DNM3: variants seen among roughly 807,000 people sequenced by gnomAD.
DNM3 encodes the protein dynamin-3.
In DNM3, 47 loss-of-function variants were observed where a neutral mutation model predicts 101.6. The ratio of observed to expected loss-of-function variants is 0.46; its 90% CI spans 0.37 to 0.59. The LOEUF (loss-of-function observed/expected upper bound fraction) is 0.59, where lower values mean the gene tolerates loss of function less well. Among genes scored for constraint, DNM3 ranks in the 20% least tolerant of loss-of-function variants. The pLI is 0.00. For missense variants in DNM3, 849 were observed against 1,085.7 expected, an observed-to-expected ratio of 0.78 and a Z score of 3.06; for synonymous variants, 385 against 387.9, an observed-to-expected ratio of 0.99 and a Z score of 0.09.
At chr1:172,058,865 T>C (rs1234010849) in intron 10 of DNM3, among the ~76,000 whole-genome samples, 1 of 134,766 alleles carries the variant, frequency 7.4e-6, no homozygotes, top group African/African-American at 2.9e-5. Flanking sequence ...CTGAAGGAAA[T>C]AGAGACAAAA....
intron 1 of DNM3, among the ~76,000 whole-genome samples, chr1:171,898,364 T>C (rs984592662): frequency 3.9e-5 from 6 of 152,148 alleles, no homozygotes; most frequent in Non-Finnish European, 8.8e-5. Context: ...ACAAGTCCTA[T>C]ACCATTTGTA....
chr1:172,275,988 T>A lies in DNM3; in HGVS notation c.1769+22306T>A, dbSNP rs927253331. On this transcript the variant is annotated intron_variant, in intron 15 of 20. Coordinates refer to ENST00000627582, the MANE Select transcript of DNM3 (RefSeq NM_015569.5). ...CTCAGAAAAAGATATCAGCATATCA[T>A]CAGGAAGAGGTTTTTAATACTCTTA... 3.9e-4 allele frequency among the ~76,000 whole-genome samples: 59 copies of A among 152,128 alleles called. 1 individual carries two copies. The highest frequency in any genetic ancestry group is 1.3e-3 in the African/African-American group (52 of 41,446).
intron 4 of DNM3, among the ~76,000 whole-genome samples, chr1:172,008,961 T>G (rs949150680): frequency 7.2e-6 from 1 of 138,408 alleles, no homozygotes; most frequent in Non-Finnish European, 1.5e-5. Context: ...TATTAATATA[T>G]TTATATATTA....
chr1:172,246,271 CA>C (rs958596261), intron 14 of DNM3, among the ~76,000 whole-genome samples: 1 of 152,008 alleles, frequency 6.6e-6, no homozygotes, highest in Admixed American at 6.6e-5. Flanking sequence ...GAGGCAATAC[CA>C]GGGTGAGAAG....
chr1:172,305,458 G>A (rs2757498), intron 15 of DNM3, among the ~76,000 whole-genome samples: 11,142 of 152,210 alleles, frequency 0.073, 469 homozygotes, highest in African/African-American at 0.1. Flanking sequence ...GAGGTACAAG[G>A]AGGAACTGGT....
At chr1:172,242,107 T>C (rs775868586) in intron 14 of DNM3, among the ~76,000 whole-genome samples, 11 of 152,132 alleles carry the variant, frequency 7.2e-5, no homozygotes, top group African/African-American at 9.7e-5. Flanking sequence ...GGCTTTTTCA[T>C]TGAACTCATG....
At chr1:172,048,811 C>A in intron 10 of DNM3, 61 bp downstream of exon 10, 1 of 1,557,002 alleles carries the variant, frequency 6.4e-7, no homozygotes, top group Non-Finnish European at 8.8e-7. Context: ...TTCCCTATCT[C>A]ATTGCATGAT....
intron 2 of DNM3, among the ~76,000 whole-genome samples, chr1:171,955,133 T>C (rs1371505687): frequency 6.6e-6 from 1 of 152,184 alleles, no homozygotes; most frequent in Admixed American, 6.5e-5. Context: ...TCTTACTCTC[T>C]TATGAGTAAG....
intron 14 of DNM3, among the ~76,000 whole-genome samples, chr1:172,148,798 A>C (rs1349056046): frequency 6.6e-6 from 1 of 152,004 alleles, no homozygotes; most frequent in Non-Finnish European, 1.5e-5. Flanking sequence ...AATTGGAGGC[A>C]ATGCAGTCCC....
chr1:172,327,801 G>C (rs193269372), intron 17 of DNM3, among the ~76,000 whole-genome samples: 1 of 152,078 alleles, frequency 6.6e-6, no homozygotes, highest in African/African-American at 2.4e-5. Flanking sequence ...AAGAAAGGAT[G>C]AAAATTCCCT....
chr1:172,278,745 T>C (rs2063381201), intron 15 of DNM3, among the ~76,000 whole-genome samples: 1 of 152,132 alleles, frequency 6.6e-6, no homozygotes, highest in Admixed American at 6.6e-5. Flanking sequence ...ATTGTACCAT[T>C]TACTTCACTG....
At chr1:171,925,705 G>A (rs2040516767) in intron 2 of DNM3, among the ~76,000 whole-genome samples, 1 of 152,108 alleles carries the variant, frequency 6.6e-6, no homozygotes, top group Non-Finnish European at 1.5e-5. Flanking sequence ...AATGTCTTTA[G>A]TTTAGTTAAG....
intron 12 of DNM3, among the ~76,000 whole-genome samples, chr1:172,089,658 T>C (rs750408750): frequency 7.9e-5 from 12 of 152,294 alleles, no homozygotes; most frequent in African/African-American, 2.6e-4. Flanking sequence ...AGGTGGAAAA[T>C]AGAGGCAACT....
At chr1:172,216,143 T>C (rs995748235) in intron 14 of DNM3, among the ~76,000 whole-genome samples, 15 of 152,062 alleles carry the variant, frequency 9.9e-5, no homozygotes, top group African/African-American at 1.2e-4. Flanking sequence ...CATTTAGTTA[T>C]AAAATTAGAT....
intron 15 of DNM3, among the ~76,000 whole-genome samples, chr1:172,303,974 A>T (rs2064619465): frequency 6.6e-6 from 1 of 151,986 alleles, no homozygotes; most frequent in Non-Finnish European, 1.5e-5. Flanking sequence ...GCATCAACTA[A>T]CCAGCAAAAT....
At chr1:172,169,795 G>T (rs1245956717) in intron 14 of DNM3, among the ~76,000 whole-genome samples, 1 of 151,838 alleles carries the variant, frequency 6.6e-6, no homozygotes, top group Non-Finnish European at 1.5e-5. Context: ...GCTGTTATTT[G>T]ATGTGAACAT....
chr1:171,902,337 T>C (rs2125234962), intron 1 of DNM3, among the ~76,000 whole-genome samples: 1 of 152,224 alleles, frequency 6.6e-6, no homozygotes, highest in East Asian at 1.9e-4. Flanking sequence ...ATGAACAAAA[T>C]CAGACTTTTG....
intron 2 of DNM3, among the ~76,000 whole-genome samples, chr1:171,930,892 G>T (rs1571678268): frequency 6.6e-6 from 1 of 152,208 alleles, no homozygotes; most frequent in East Asian, 1.9e-4. Flanking sequence ...CATTTGTGAT[G>T]AACAATCCAA....
At chr1:172,192,513 C>A (rs1380685832) in intron 14 of DNM3, among the ~76,000 whole-genome samples, 2 of 142,112 alleles carry the variant, frequency 1.4e-5, no homozygotes, top group South Asian at 4.9e-4. Context: ...TCTCCCAATG[C>A]TATCCCTCCC....
Sources: allele counts gnomAD v4.1 joint callset (sites outside exome capture counted in the v4.1 genomes callset), GRCh38; gene constraint gnomAD v4.1.1; transcripts MANE v1.5; gene names NCBI Gene and HGNC (gene_info 2026-07-23, HGNC 2026-07-21).